COL13A1: variants seen among roughly 807,000 people sequenced by gnomAD.
COL13A1 encodes collagen type XIII alpha 1 chain.
Under a neutral mutation model 130.9 loss-of-function variants are expected in COL13A1, and 89 were observed. The ratio of observed to expected loss-of-function variants is 0.68; its 90% confidence interval spans 0.57 to 0.81. The LOEUF (loss-of-function observed/expected upper bound fraction) is 0.81, where lower values mean the gene tolerates loss of function less well. Among genes scored for constraint, COL13A1 ranks in the 30% least tolerant of loss-of-function variants. COL13A1 has a pLI of 0.00. For missense variants in COL13A1, 879 were observed against 934.6 expected (o/e 0.94, Z 0.78); for synonymous variants, 402 against 341.6 (o/e 1.18, Z -1.95).
At chr10:69,905,245 G>A (rs1277632084) in intron 16 of COL13A1, among the ~76,000 whole-genome samples, 2 of 152,202 alleles carry the variant, frequency 1.3e-5, no homozygotes, top group Non-Finnish European at 2.9e-5. Flanking sequence ...GAAACTCTAA[G>A]CTCATGCCCA....
chr10:69,838,349 T>C (rs1344276880), intron 2 of COL13A1, among the ~76,000 whole-genome samples: 1 of 152,238 alleles, frequency 6.6e-6, no homozygotes. Flanking sequence ...ATCTGCTGGC[T>C]GAGTTCTGGG....
chr10:69,946,816 T>G (rs2068621915), intron 37 of COL13A1, among the ~76,000 whole-genome samples: 1 of 151,802 alleles, frequency 6.6e-6, no homozygotes. Context: ...TGAGACGGAG[T>G]CTCACTCTGT....
chr10:69,928,207 T>C (rs1156264328), intron 27 of COL13A1, among the ~76,000 whole-genome samples: 1 of 152,182 alleles, frequency 6.6e-6, no homozygotes, highest in Admixed American at 6.5e-5. Flanking sequence ...AAACATTTTT[T>C]TTCCTTTAAA....
chr10:69,808,691 G>A (rs1286426935), intron 1 of COL13A1, among the ~76,000 whole-genome samples: 1 of 152,254 alleles, frequency 6.6e-6, no homozygotes, highest in African/African-American at 2.4e-5. Context: ...CCCGATGACA[G>A]CGATAGAGGC....
chr10:69,891,566 C>T (rs1426708121), intron 10 of COL13A1, among the ~76,000 whole-genome samples: 1 of 152,174 alleles, frequency 6.6e-6, no homozygotes, highest in Non-Finnish European at 1.5e-5. Flanking sequence ...AATGCATTTC[C>T]CCCCGCCCCT....
rs192019507 is a variant in COL13A1 at position 69,900,255 on chromosome 10, G to A, written c.750+1493G>A. ...CGACCTCCCAGCCTTAGGTGTATCA[G>A]CTGTTCTTTTTTGAGCCCTCACTGG... On this transcript the variant is annotated intron_variant, in intron 14 of 40. Coordinates refer to ENST00000645393, the MANE Select transcript of COL13A1 (RefSeq NM_001368882.1). Among the ~76,000 whole-genome samples the A allele has an allele frequency of 3.5e-4, 53 of 152,300 alleles. No individual in the cohort carries two copies. In the East Asian group the frequency reaches 9.8e-3, roughly 28 times the overall value.
intron 15 of COL13A1, 28 bp from the exon 16 acceptor site, chr10:69,904,905 C>CTTTT (rs60054259): frequency 1.0e-4 from 149 of 1,475,592 alleles, no homozygotes; most frequent in African/African-American, 5.0e-4. Context: ...TTTCTTTTTT[C>CTTTT]TTTTTTTTTT....
chr10:69,897,406 T>G, intron 13 of COL13A1: 1 of 1,504,394 alleles, frequency 6.6e-7, no homozygotes, highest in Non-Finnish European at 9.2e-7. Flanking sequence ...GGGGAGCTGG[T>G]GTCTGTGGGC....
intron 10 of COL13A1, 149 bp from the exon 11 acceptor site, chr10:69,894,403 A>C: frequency 1.2e-6 from 1 of 850,600 alleles, no homozygotes; most frequent in South Asian, 1.7e-5. Flanking sequence ...TGTGAATAAG[A>C]CATCTTGAAT....
At chr10:69,871,254 G>A (rs1228522910) in intron 3 of COL13A1, among the ~76,000 whole-genome samples, 1 of 152,174 alleles carries the variant, frequency 6.6e-6, no homozygotes. Context: ...GAAAGCAGGA[G>A]TGTTGCCAGG....
intron 13 of COL13A1, chr10:69,897,488 G>A: frequency 6.2e-7 from 1 of 1,613,936 alleles, no homozygotes; most frequent in Non-Finnish European, 8.5e-7. Flanking sequence ...TGCCTAAGCA[G>A]CATGCCAGCA....
Position 69,802,408 on chromosome 10 carries a change from C to T in COL13A1, c.-16C>T, listed in dbSNP as rs1292607588. On this transcript the variant is annotated 5_prime_UTR_variant, in exon 1 of 41. Transcript: ENST00000645393. ...TATTCTATTTATTTATTTATTGGTT[C>T]TCAAGACGCGAGAGGATGGTAGCGG... is the stretch of plus-strand genomic sequence containing the variant. The T allele has an allele frequency of 2.0e-6, 3 of 1,477,750 alleles. No individual in the cohort carries two copies. Among genetic ancestry groups the T allele is most frequent in the Non-Finnish European group, 2.7e-6 (3 of 1,121,794 alleles). 91.5% of individuals were successfully genotyped at this position (1,477,750 alleles called of 1,614,324 possible). A position where few individuals can be genotyped will look rare whatever the true frequency, so the allele number is the denominator to read the frequency against.
chr10:69,806,090 C>G (rs771652345), intron 1 of COL13A1, among the ~76,000 whole-genome samples: 4 of 152,214 alleles, frequency 2.6e-5, no homozygotes, highest in African/African-American at 9.7e-5. Context: ...GGAGGCAGAT[C>G]GGAGACTTCA....
intron 2 of COL13A1, among the ~76,000 whole-genome samples, chr10:69,842,576 A>T (rs1851890055): frequency 6.6e-6 from 1 of 152,138 alleles, no homozygotes; most frequent in Admixed American, 6.5e-5. Context: ...TCCGGCACTA[A>T]CATCATCCCC....
intron 8 of COL13A1, 60 bp from the exon 9 acceptor site, chr10:69,888,244 A>G: frequency 2.5e-6 from 4 of 1,598,850 alleles, no homozygotes; most frequent in Non-Finnish European, 3.4e-6. Context: ...CTGCCCAGGC[A>G]GCCTCTTTGG....
Position 69,958,857 on chromosome 10 carries a change from C to A in COL13A1, c.*156C>A, listed in dbSNP as rs572321984. The A allele has an allele frequency of 1.2e-5, 12 of 1,000,432 alleles. No individual in the cohort carries two copies. In the South Asian group the frequency reaches 1.5e-4, roughly 13 times the overall value. The allele number at this position is 1,000,432 out of a possible 1,614,324, so 62.0% of individuals were successfully genotyped here. A position where few individuals can be genotyped will look rare whatever the true frequency, so the allele number is the denominator to read the frequency against. On this transcript the variant is annotated 3_prime_UTR_variant, in exon 41 of 41. Coordinates refer to ENST00000645393, the MANE Select transcript of COL13A1 (RefSeq NM_001368882.1). Reference sequence around the variant, plus strand: ...GCATATTTTGTACAGAAAATATCAACCTCTTCCCTTTTGTTTACAAGATGT... The same window carrying A: ...GCATATTTTGTACAGAAAATATCAAACTCTTCCCTTTTGTTTACAAGATGT...
chr10:69,900,066 C>T (rs993358463), intron 14 of COL13A1, among the ~76,000 whole-genome samples: 4 of 152,180 alleles, frequency 2.6e-5, no homozygotes, highest in East Asian at 1.9e-4. Flanking sequence ...CGAGAGCCTC[C>T]GTGTGCCCGA....
rs1484150577 is a variant in COL13A1 at position 69,802,294 on chromosome 10, C to T, written c.-130C>T. 1.8e-6 allele frequency: 2 copies of T among 1,105,684 alleles called. No individual in the cohort carries two copies. Among genetic ancestry groups the T allele is most frequent in the African/African-American group, 3.3e-5 (2 of 60,298 alleles). 68.5% of individuals were successfully genotyped at this position (1,105,684 alleles called of 1,614,324 possible). On this transcript the variant is annotated 5_prime_UTR_variant, in exon 1 of 41. Transcript: ENST00000645393. The stretch of plus-strand genomic sequence containing the variant: ...TTTCCGTCCTCTTTGCCGGGAGCAG[C>T]GGAAAGGGACGTTTTCCAGCGATAC...
chr10:69,863,903 T>A (rs1858995071), intron 2 of COL13A1, among the ~76,000 whole-genome samples: 1 of 151,882 alleles, frequency 6.6e-6, no homozygotes, highest in Middle Eastern at 3.4e-3. Flanking sequence ...ATAGTGAAAC[T>A]CCATCCTTAC....
Sources: gnomAD v4.1 joint callset for allele counts (sites outside exome capture counted in the v4.1 genomes callset) on GRCh38, gnomAD v4.1.1 for gene constraint, MANE v1.5 for transcripts, NCBI Gene and HGNC (gene_info 2026-07-23, HGNC 2026-07-21) for gene names.